The following ZFYVE26 variants were observed in gnomAD, a reference collection of about 807,000 sequenced individuals.
The protein encoded by ZFYVE26 is zinc finger FYVE domain-containing protein 26.
A neutral mutation model predicts 276.5 loss-of-function variants in ZFYVE26; 181 were observed. That is an observed-to-expected ratio of 0.65 (90% CI 0.58 to 0.74). ZFYVE26 has a LOEUF of 0.74. Ranked by LOEUF, ZFYVE26 falls within the 30% of genes least tolerant of loss-of-function variation. The pLI, the probability that ZFYVE26 is intolerant of heterozygous loss-of-function variation, is 0.00. For missense variants in ZFYVE26, 2,821 were observed against 3,097.9 expected, an observed-to-expected ratio of 0.91 and a Z score of 2.12; for synonymous variants, 1,129 against 1,203.1, an observed-to-expected ratio of 0.94 and a Z score of 1.27.
At chr14:67,800,672 G>A (rs2040058070) in intron 10 of ZFYVE26, among the ~76,000 whole-genome samples, 1 of 152,074 alleles carries the variant, frequency 6.6e-6, no homozygotes, top group South Asian at 2.1e-4. Flanking sequence ...CTATGTAGAT[G>A]AGTTGGTATG....
downstream of ZFYVE26, among the ~76,000 whole-genome samples, chr14:67,745,356 T>A (rs2038469261): frequency 1.3e-5 from 2 of 152,216 alleles, no homozygotes; most frequent in South Asian, 4.1e-4. Context: ...TTCTGTAGGT[T>A]GCCTGTTCAC....
chr14:67,751,922 A>T (rs891064785), intron 40 of ZFYVE26, among the ~76,000 whole-genome samples: 6 of 152,112 alleles, frequency 3.9e-5, no homozygotes, highest in African/African-American at 1.4e-4. Context: ...GAATTTAGGG[A>T]GAAGGAACAG....
At chr14:67,777,354 A>G in intron 25 of ZFYVE26, among the ~76,000 whole-genome samples, 1 of 152,230 alleles carries the variant, frequency 6.6e-6, no homozygotes, top group Non-Finnish European at 1.5e-5. Flanking sequence ...AGACTCAACT[A>G]GGATACAGAG....
intron 10 of ZFYVE26, chr14:67,798,869 C>T: frequency 1.2e-6 from 1 of 859,870 alleles, no homozygotes. Context: ...GCCAACCGGG[C>T]CTCCCCAGCC....
Position 67,802,146 on chromosome 14 carries a change from G to A in ZFYVE26, c.1572C>T (p.Cys524=), listed in dbSNP as rs2140246706. 1 of 1,614,078 alleles carries A rather than the reference G, an allele frequency of 6.2e-7. No individual in the cohort carries two copies. The stretch of plus-strand genomic sequence containing the variant: ...CCAGGTCCTCAGAGAGGCTGTCTTT[G>A]CAGTCCTGGCACTGGGAGTGCTGGT... ...NSHQHSQCQD[C]KDSLSEDLAS... is the part of the protein sequence containing the mutation. Residue 524 remains cysteine, a synonymous_variant, in exon 10 of 42, where the codon TGC becomes TGT. Coordinates refer to ENST00000347230, the MANE Select transcript of ZFYVE26 (RefSeq NM_015346.4).
intron 13 of ZFYVE26, among the ~76,000 whole-genome samples, chr14:67,733,549 A>G (rs1254839285): frequency 6.6e-6 from 1 of 152,224 alleles, no homozygotes; most frequent in African/African-American, 2.4e-5. Context: ...GAATATATTA[A>G]TAAATAAGCC....
chr14:67,751,308 A>C (rs2038636002), intron 40 of ZFYVE26: 1 of 622,836 alleles, frequency 1.6e-6, no homozygotes, highest in Admixed American at 2.5e-5. Flanking sequence ...ATAGCAAAGG[A>C]ATTTTAACCT....
Position 67,783,039 on chromosome 14 carries a change from C to G in ZFYVE26, c.4113G>C (p.Leu1371=). 1 of 1,614,214 alleles carries G rather than the reference C, an allele frequency of 6.2e-7. No homozygotes were observed. Among genetic ancestry groups the G allele is most frequent in the South Asian group, 1.1e-5 (1 of 91,084 alleles). Residue 1371 remains leucine, a synonymous_variant, in exon 21 of 42, where the codon CTG becomes CTC. Coordinates refer to ENST00000347230, the MANE Select transcript of ZFYVE26 (RefSeq NM_015346.4). ...ACCCTCGCAGGGGCTCCCAGGCAGC[C>G]AGGAGGAAGGCCTCAAACAGAGGGA... is the stretch of plus-strand genomic sequence containing the variant. ...EQFPLFEAFL[L]AAWEPLRGSL...
chr14:67,729,300 G>GGT (rs2038235506), exon 14 of ZFYVE26: 1 of 1,602,408 alleles, frequency 6.2e-7, no homozygotes, highest in African/African-American at 1.3e-5. Flanking sequence ...CCTTTGTCAA[G>GGT]ACGGCACGGG....
At chr14:67,740,615 C>G (rs1341447794) in intron 13 of ZFYVE26, among the ~76,000 whole-genome samples, 1 of 152,112 alleles carries the variant, frequency 6.6e-6, no homozygotes, top group Non-Finnish European at 1.5e-5. Context: ...TATACACCTA[C>G]CAGTTTAAAA....
chr14:67,800,599 G>C (rs1455404985), intron 10 of ZFYVE26, among the ~76,000 whole-genome samples: 1 of 152,064 alleles, frequency 6.6e-6, no homozygotes, highest in Non-Finnish European at 1.5e-5. Flanking sequence ...AAGCCATATT[G>C]ATCCAGTTGT....
intron 28 of ZFYVE26, chr14:67,770,005 C>T: frequency 2.0e-6 from 1 of 491,518 alleles, no homozygotes; most frequent in Non-Finnish European, 3.7e-6. Flanking sequence ...TGTGGAAAAA[C>T]AAGAAAAAGT....
rs780801411 is a variant in ZFYVE26, at chr14:67,797,665, A to T, written c.2332+7T>A. The T allele has an allele frequency of 6.4e-7, 1 of 1,564,402 alleles. No homozygotes were observed. Among genetic ancestry groups the T allele is most frequent in the South Asian group, 1.1e-5 (1 of 88,164 alleles). On this transcript the variant is annotated splice_region_variant and intron_variant, in intron 12 of 41. Transcript: ENST00000347230. ...CCTAGTGCATGGGAATGAGCTCTTC[A>T]GATTACCTGCCTGGCTCCTTCTTGT...
chr14:67,774,480 C>T (rs565316481), intron 27 of ZFYVE26, among the ~76,000 whole-genome samples: 2 of 144,414 alleles, frequency 1.4e-5, no homozygotes, highest in South Asian at 4.8e-4. Flanking sequence ...CCCTGAGCAA[C>T]AGAGCAAGAC....
In ZFYVE26 at chr14:67,798,326, G is replaced by A. The variant is rs778912833; in HGVS notation, c.1936C>T (p.Pro646Ser). ...TTTGGCTCTGCCTTCACATGGCTTG[G>A]CATTGTATAAGCAAGGGTCTTTGGG... ...GVPKTLAYTMPSHVKAEPKDS... is the reference protein window; with the variant it reads ...GVPKTLAYTMSSHVKAEPKDS... The change falls in exon 11 of 42, where the codon CCA becomes TCA. Residue 646 changes from proline to serine, a missense_variant. By Grantham distance (74) the Pro-to-Ser change is moderately conservative (BLOSUM62 -1). Transcript: ENST00000347230. The A allele has an allele frequency of 1.9e-6, 3 of 1,613,330 alleles. No individual in the cohort carries two copies. The highest frequency in any genetic ancestry group is 1.3e-5 in the African/African-American group (1 of 74,834).
intron 38 of ZFYVE26, 21 bp downstream of exon 38, chr14:67,754,050 G>A: frequency 6.2e-7 from 1 of 1,614,158 alleles, no homozygotes; most frequent in Non-Finnish European, 8.5e-7. Flanking sequence ...GTCTGCCAGA[G>A]GTCTGAAACG....
chr14:67,756,830 C>T (rs537202333), intron 35 of ZFYVE26, among the ~76,000 whole-genome samples: 12 of 152,326 alleles, frequency 7.9e-5, no homozygotes, highest in African/African-American at 2.6e-4. Context: ...TTCATTCCTC[C>T]TGAACTCCAG....
At chr14:67,769,819 TG>T (rs1220281136) in intron 28 of ZFYVE26, 89 bp from the exon 29 acceptor site, 10 of 1,566,100 alleles carry the variant, frequency 6.4e-6, no homozygotes, top group African/African-American at 1.3e-5. Context: ...TAACTACCAG[TG>T]GCTTATACTT....
At chr14:67,772,543 T>C (rs1209802926) in intron 27 of ZFYVE26, among the ~76,000 whole-genome samples, 1 of 152,218 alleles carries the variant, frequency 6.6e-6, no homozygotes, top group African/African-American at 2.4e-5. Context: ...AAATCCAGCA[T>C]GTGGGAAGCT....
Sources: allele counts gnomAD v4.1 joint callset (sites outside exome capture counted in the v4.1 genomes callset), GRCh38; gene constraint gnomAD v4.1.1; transcripts MANE v1.5; gene names NCBI Gene and HGNC (gene_info 2026-07-23, HGNC 2026-07-21).